P3H2: variants seen among roughly 807,000 people sequenced by gnomAD.
P3H2 encodes prolyl 3-hydroxylase 2.
Under a neutral mutation model 87.0 loss-of-function variants are expected in P3H2, and 80 were observed. That is an observed-to-expected ratio of 0.92 (90% confidence interval 0.77 to 1.11). The LOEUF is 1.11. Among genes scored for constraint, P3H2 ranks in the 50% least tolerant of loss-of-function variants. P3H2 has a pLI of 0.00. For synonymous variants in P3H2, 367 were observed against 359.3 expected (o/e 1.02, Z -0.24); for missense variants, 1,001 against 923.9 (o/e 1.08, Z -1.08).
chr3:190,005,940 C>G (rs1480694219), intron 1 of P3H2, among the ~76,000 whole-genome samples: 2 of 152,216 alleles, frequency 1.3e-5, no homozygotes, highest in African/African-American at 2.4e-5. Context: ...ATGTTTCATA[C>G]ATTCCTCTGG....
intron 14 of P3H2, among the ~76,000 whole-genome samples, chr3:189,961,666 A>G (rs1424681715): frequency 6.6e-6 from 1 of 152,176 alleles, no homozygotes; most frequent in African/African-American, 2.4e-5. Context: ...GCAAAGAATG[A>G]TTCACAGCCT....
rs1420233850 is a variant in P3H2 at position 190,120,328 on chromosome 3, T to G, written c.404A>C (p.His135Pro). 6.3e-7 allele frequency: 1 copy of G among 1,599,840 alleles called. No homozygotes were observed. The highest frequency in any genetic ancestry group is 1.1e-5 in the South Asian group (1 of 89,054). ...GCTGCGCACATCCTCGCTGACGCGG[T>G]GGCGGGATGCGGGGCCCCCGAGGCG... is the stretch of plus-strand genomic sequence containing the variant. ...TQRLGGPASRHRVSEDVRSDF... is the reference protein window; with the variant it reads ...TQRLGGPASRPRVSEDVRSDF... The change falls in exon 1 of 15, where the codon CAC becomes CCC. Residue 135 changes from histidine to proline, a missense_variant. Transcript: ENST00000319332.
chr3:190,071,463 T>TA (rs1726694264), intron 1 of P3H2, among the ~76,000 whole-genome samples: 1 of 152,202 alleles, frequency 6.6e-6, no homozygotes, highest in African/African-American at 2.4e-5. Context: ...CATTAATCAC[T>TA]AAGCAAATAT....
chr3:190,095,466 C>T (rs1212551700), intron 1 of P3H2, among the ~76,000 whole-genome samples: 1 of 149,512 alleles, frequency 6.7e-6, no homozygotes, highest in East Asian at 2.0e-4. Flanking sequence ...AAACCTCATC[C>T]AAAAGTTTAC....
At chr3:189,980,420 G>C (rs536778585) in intron 8 of P3H2, among the ~76,000 whole-genome samples, 1 of 151,924 alleles carries the variant, frequency 6.6e-6, no homozygotes, top group Non-Finnish European at 1.5e-5. Context: ...AAAATTAGCC[G>C]GGTATGGTGG....
At chr3:190,116,426 T>G (rs1300238299) in intron 1 of P3H2, among the ~76,000 whole-genome samples, 1 of 152,180 alleles carries the variant, frequency 6.6e-6, no homozygotes, top group Admixed American at 6.5e-5. Flanking sequence ...AAAAATCTTA[T>G]GGAATTTGCT....
chr3:190,037,257 T>C (rs1299705737), intron 1 of P3H2, among the ~76,000 whole-genome samples: 1 of 152,152 alleles, frequency 6.6e-6, no homozygotes, highest in Admixed American at 6.6e-5. Flanking sequence ...ATTCTGACAC[T>C]GCCTTCCCTA....
At chr3:189,988,589 T>C (rs1023078169) in intron 4 of P3H2, among the ~76,000 whole-genome samples, 5 of 152,218 alleles carry the variant, frequency 3.3e-5, no homozygotes, top group Non-Finnish European at 5.9e-5. Flanking sequence ...AATAATGTTT[T>C]GTTTTTGGAA....
In P3H2 at chr3:189,956,893, A is replaced by T. The variant is rs1309984988; in HGVS notation, c.*1019T>A. The T allele has an allele frequency of 2.6e-6, 1 of 390,722 alleles. No homozygotes were observed. The allele number at this position is 390,722 out of a possible 1,614,324, so 24.2% of individuals were successfully genotyped here. ...ACAAAACACCTCTTTTCATCAGTGG[A>T]CCCCACTCCTAGGCAACCTGGCCAT... On this transcript the variant is annotated 3_prime_UTR_variant, in exon 15 of 15. Transcript: ENST00000319332.
chr3:190,118,455 A>C (rs1340698848), intron 1 of P3H2, among the ~76,000 whole-genome samples: 1 of 151,894 alleles, frequency 6.6e-6, no homozygotes, highest in Admixed American at 6.6e-5. Context: ...CCTGGTGTTG[A>C]CTGATTTCTG....
intron 1 of P3H2, among the ~76,000 whole-genome samples, chr3:190,054,626 A>C (rs940392878): frequency 2.0e-5 from 3 of 152,072 alleles, no homozygotes; most frequent in Admixed American, 2.0e-4. Context: ...ATCTATGGAG[A>C]GTCCTAACTG....
intron 1 of P3H2, among the ~76,000 whole-genome samples, chr3:190,084,644 T>C (rs1023839620): frequency 5.9e-5 from 9 of 152,246 alleles, no homozygotes; most frequent in Middle Eastern, 3.4e-3. Flanking sequence ...TAATGAAGAA[T>C]AAAATATTAT....
intron 1 of P3H2, among the ~76,000 whole-genome samples, chr3:190,015,414 TATAACAAGCC>T (rs1724721227): frequency 6.6e-6 from 1 of 152,176 alleles, no homozygotes; most frequent in African/African-American, 2.4e-5. Flanking sequence ...TGCTTCAGTG[TATAACAAGCC>T]TTACTCAGAG....
chr3:190,086,315 A>C (rs1250349227), intron 1 of P3H2, among the ~76,000 whole-genome samples: 1 of 152,192 alleles, frequency 6.6e-6, no homozygotes, highest in Admixed American at 6.5e-5. Flanking sequence ...TTGACAGCTC[A>C]GAGTGAAACC....
chr3:189,973,839 A>AT, intron 10 of P3H2, 70 bp downstream of exon 10: 1 of 1,195,420 alleles, frequency 8.4e-7, no homozygotes, highest in Non-Finnish European at 1.3e-6. Context: ...TTTCTTTCTT[A>AT]TATCTGCCAT....
intron 1 of P3H2, among the ~76,000 whole-genome samples, chr3:190,052,948 A>G (rs1726029517): frequency 6.6e-6 from 1 of 152,150 alleles, no homozygotes; most frequent in Non-Finnish European, 1.5e-5. Flanking sequence ...ATCTGCTTTC[A>G]TTTCTATAGG....
intron 1 of P3H2, among the ~76,000 whole-genome samples, chr3:190,000,982 A>T (rs1336193926): frequency 6.6e-6 from 1 of 152,236 alleles, no homozygotes; most frequent in Non-Finnish European, 1.5e-5. Flanking sequence ...ACTTTGCAAA[A>T]TAATGCAGCA....
At chr3:190,021,926 A>G (rs760222629) in intron 1 of P3H2, among the ~76,000 whole-genome samples, 3 of 135,402 alleles carry the variant, frequency 2.2e-5, no homozygotes, top group Non-Finnish European at 5.0e-5. Context: ...CTGACATTAC[A>G]GGACAGTTCT....
At chr3:190,017,195 A>G (rs1436300772) in intron 1 of P3H2, among the ~76,000 whole-genome samples, 1 of 152,108 alleles carries the variant, frequency 6.6e-6, no homozygotes. Flanking sequence ...ATCCTGAAGA[A>G]TTTTGTTCAG....
Sources: allele counts gnomAD v4.1 joint callset (sites outside exome capture counted in the v4.1 genomes callset), GRCh38; gene constraint gnomAD v4.1.1; transcripts MANE v1.5; gene names NCBI Gene and HGNC (gene_info 2026-07-23, HGNC 2026-07-21).